The following EAF2 variants were observed in gnomAD, a reference collection of about 807,000 sequenced individuals.
EAF2 encodes ELL associated factor 2.
In EAF2, 29 loss-of-function variants were observed where a neutral mutation model predicts 29.4. The observed-to-expected ratio is 0.99, with a 90% CI of 0.73 to 1.35. The LOEUF is 1.35. Among genes scored for constraint, EAF2 ranks in the 40% most tolerant of loss-of-function variants. EAF2 has a pLI of 0.00. For missense variants in EAF2, 292 were observed against 312.0 expected (o/e 0.94, Z 0.48); for synonymous variants, 103 against 102.5 (o/e 1.00, Z -0.03).
intron 2 of EAF2, among the ~76,000 whole-genome samples, chr3:121,848,114 G>A (rs1708561704): frequency 6.6e-6 from 1 of 152,216 alleles, no homozygotes; most frequent in Non-Finnish European, 1.5e-5. Context: ...ACTAGAGCTA[G>A]TGAATTAGCC....
At chr3:121,865,702 C>A (rs1306005384) in intron 4 of EAF2, among the ~76,000 whole-genome samples, 1 of 152,050 alleles carries the variant, frequency 6.6e-6, no homozygotes, top group African/African-American at 2.4e-5. Flanking sequence ...TAAGATGGAT[C>A]TAAAATTCTA....
At chr3:121,872,452 C>T in intron 4 of EAF2, 85 bp from the exon 5 acceptor site, 1 of 1,106,754 alleles carries the variant, frequency 9.0e-7, no homozygotes, top group Non-Finnish European at 1.3e-6. Context: ...TCAACAGTTT[C>T]TTAAAAACTA....
At chr3:121,838,137 G>A (rs557569834) in intron 1 of EAF2, among the ~76,000 whole-genome samples, 1 of 152,080 alleles carries the variant, frequency 6.6e-6, no homozygotes, top group Non-Finnish European at 1.5e-5. Flanking sequence ...TCAGAAAAGC[G>A]ATAAACATTG....
At chr3:121,862,848 A>G (rs1361801768) in intron 4 of EAF2, among the ~76,000 whole-genome samples, 2 of 152,072 alleles carry the variant, frequency 1.3e-5, no homozygotes, top group Non-Finnish European at 2.9e-5. Context: ...TTGGTCTTTG[A>G]TAATGGTGAC....
At chr3:121,848,881 C>T (rs181442324) in intron 2 of EAF2, among the ~76,000 whole-genome samples, 3 of 126,350 alleles carry the variant, frequency 2.4e-5, no homozygotes, top group African/African-American at 9.5e-5. Flanking sequence ...TTTAAAAGCC[C>T]CCCCCCACAC....
chr3:121,853,332 A>G (rs1010360243), intron 2 of EAF2, among the ~76,000 whole-genome samples: 3 of 152,236 alleles, frequency 2.0e-5, no homozygotes, highest in Non-Finnish European at 4.4e-5. Flanking sequence ...ACTAGAATCC[A>G]AATAAGATTT....
At chr3:121,880,506 T>C (rs1709176820) in intron 5 of EAF2, among the ~76,000 whole-genome samples, 2 of 150,976 alleles carry the variant, frequency 1.3e-5, no homozygotes, top group South Asian at 4.2e-4. Context: ...CTATTATAAA[T>C]GGGAATGCTG....
chr3:121,862,355 G>C (rs1708847674), intron 4 of EAF2, among the ~76,000 whole-genome samples: 2 of 152,094 alleles, frequency 1.3e-5, no homozygotes, highest in South Asian at 4.1e-4. Context: ...TATTCCTGGA[G>C]GCTTTGTTCA....
chr3:121,878,543 T>G (rs2107546502), intron 5 of EAF2, among the ~76,000 whole-genome samples: 1 of 152,282 alleles, frequency 6.6e-6, no homozygotes, highest in Non-Finnish European at 1.5e-5. Flanking sequence ...CTAACCAACC[T>G]CTGTTTATCC....
intron 5 of EAF2, among the ~76,000 whole-genome samples, chr3:121,875,292 T>C (rs1450572763): frequency 6.6e-6 from 1 of 151,860 alleles, no homozygotes; most frequent in East Asian, 1.9e-4. Context: ...AATAGACATT[T>C]ACATATTGAC....
intron 2 of EAF2, among the ~76,000 whole-genome samples, chr3:121,849,960 CT>C (rs1165957535): frequency 2.7e-5 from 4 of 149,558 alleles, no homozygotes; most frequent in East Asian, 3.9e-4. Flanking sequence ...ATATATCAAC[CT>C]TTTTTTCTTT....
At chr3:121,858,243 A>G (rs1422741616) in intron 4 of EAF2, among the ~76,000 whole-genome samples, 1 of 152,288 alleles carries the variant, frequency 6.6e-6, no homozygotes, top group Non-Finnish European at 1.5e-5. Context: ...AGGAATCGCC[A>G]CACAGTCTTC....
chr3:121,884,525 T>C (rs1664474519), intron 5 of EAF2, among the ~76,000 whole-genome samples: 1 of 151,258 alleles, frequency 6.6e-6, no homozygotes, highest in Non-Finnish European at 1.5e-5. Context: ...CCTCCTAGGT[T>C]CAAGTGATTC....
chr3:121,851,135 G>C (rs867955527), intron 2 of EAF2, among the ~76,000 whole-genome samples: 2 of 151,764 alleles, frequency 1.3e-5, no homozygotes, highest in African/African-American at 4.8e-5. Context: ...TTGTTGTATG[G>C]TTAAGAGTCC....
Position 121,844,455 on chromosome 3 carries a change from G to T in EAF2, c.109G>T (p.Asp37Tyr). Residue 37 changes from aspartate (D) to tyrosine (Y), a missense_variant and splice_region_variant, in exon 2 of 6, where the codon GAC (aspartate) becomes TAC (tyrosine). Asp to Tyr is a radical substitution (Grantham distance 160). Coordinates refer to ENST00000273668, the MANE Select transcript of EAF2 (RefSeq NM_018456.6). ...TTGGTATTTGTATCTATTTTTAGAT[G>T]ACTTCAAACCTGCTTCTATTGACAC... Reference protein sequence around the residue: ...PRCAFHTVRYDFKPASIDTSS... With the variant: ...PRCAFHTVRYYFKPASIDTSS... 3 of 1,592,326 alleles carry T rather than the reference G, an allele frequency of 1.9e-6. No homozygotes were observed. In the South Asian group the frequency reaches 3.5e-5, roughly 18 times the overall value.
chr3:121,881,956 C>T (rs1709197383), intron 5 of EAF2, among the ~76,000 whole-genome samples: 1 of 152,082 alleles, frequency 6.6e-6, no homozygotes, highest in Admixed American at 6.6e-5. Flanking sequence ...GAAATGGTAT[C>T]AATCTAATTC....
At chr3:121,855,479 C>G (rs1006709756) in intron 3 of EAF2, among the ~76,000 whole-genome samples, 1 of 152,084 alleles carries the variant, frequency 6.6e-6, no homozygotes, top group Non-Finnish European at 1.5e-5. Context: ...ATAAGAATTA[C>G]CTTGGGTGCT....
chr3:121,859,569 G>T (rs1344209638), intron 4 of EAF2, among the ~76,000 whole-genome samples: 2 of 152,150 alleles, frequency 1.3e-5, no homozygotes, highest in East Asian at 3.9e-4. Flanking sequence ...GGAGATTTGG[G>T]GCTGAGACAA....
intron 4 of EAF2, among the ~76,000 whole-genome samples, chr3:121,863,374 T>C (rs1708867274): frequency 6.6e-6 from 1 of 152,154 alleles, no homozygotes; most frequent in South Asian, 2.1e-4. Flanking sequence ...CTTTGTTTTG[T>C]TTACCTACTC....
Sources: gnomAD v4.1 joint callset for allele counts (sites outside exome capture counted in the v4.1 genomes callset) on GRCh38, gnomAD v4.1.1 for gene constraint, MANE v1.5 for transcripts, NCBI Gene and HGNC (gene_info 2026-07-23, HGNC 2026-07-21) for gene names.